PCDH15: variants seen among roughly 807,000 people sequenced by gnomAD.
PCDH15 encodes the protein protocadherin related 15, also known as protocadherin-15.
PCDH15 carries 129 observed loss-of-function variants against 178.5 expected under a neutral mutation model. That is an observed-to-expected ratio of 0.72 (90% CI 0.63 to 0.84). The LOEUF is 0.84. Among genes scored for constraint, PCDH15 ranks in the 40% least tolerant of loss-of-function variants. PCDH15 has a pLI of 0.00. For synonymous variants in PCDH15, 800 were observed against 732.0 expected, an observed-to-expected ratio of 1.09 and a Z score of -1.50; for missense variants, 2,230 against 2,099.9, an observed-to-expected ratio of 1.06 and a Z score of -1.21.
At chr10:55,147,665 T>C (rs1838564563) in intron 2 of PCDH15, among the ~76,000 whole-genome samples, 1 of 151,208 alleles carries the variant, frequency 6.6e-6, no homozygotes, top group African/African-American at 2.4e-5. Context: ...TTTTTTTAAA[T>C]TTTATTATTA....
Position 55,174,967 on chromosome 10 carries a change from G to T in PCDH15, c.-155-8316C>A, listed in dbSNP as rs75061923. Among the ~76,000 whole-genome samples the T allele has an allele frequency of 6.0e-3, 907 of 152,242 alleles. 7 individuals are homozygous for T. Among genetic ancestry groups the T allele is most frequent in the African/African-American group, 0.021 (872 of 41,552 alleles). Reference sequence around the variant, plus strand: ...TTAACCCAAGCATTTGAAATCTCCTGGAAGGATGTTATGTTACTTTTGACT... The same window carrying T: ...TTAACCCAAGCATTTGAAATCTCCTTGAAGGATGTTATGTTACTTTTGACT... On this transcript the variant is annotated intron_variant, in intron 1 of 5. Transcript: ENST00000458638.
intron 2 of PCDH15, among the ~76,000 whole-genome samples, chr10:55,449,446 G>A (rs1839386464): frequency 6.6e-6 from 1 of 152,008 alleles, no homozygotes; most frequent in Non-Finnish European, 1.5e-5. Context: ...ACAATGCAGT[G>A]TCTATCCATA....
At chr10:54,904,991 C>T (rs73259961) in intron 2 of PCDH15, among the ~76,000 whole-genome samples, 3,182 of 151,744 alleles carry the variant, frequency 0.021, 122 homozygotes, top group African/African-American at 0.072. Flanking sequence ...TTCTCTATTA[C>T]CTATTTTCGT....
At chr10:54,820,878 T>C (rs1442726928) in intron 3 of PCDH15, among the ~76,000 whole-genome samples, 2 of 152,046 alleles carry the variant, frequency 1.3e-5, no homozygotes, top group East Asian at 1.9e-4. Context: ...GAAAGGAAAA[T>C]CTTAAGAATT....
chr10:55,481,828 TTC>T (rs1840187817), intron 2 of PCDH15, among the ~76,000 whole-genome samples: 1 of 151,598 alleles, frequency 6.6e-6, no homozygotes, highest in African/African-American at 2.4e-5. Flanking sequence ...GGGTGGAGAG[TTC>T]TCTATGTGTC....
rs1260514153 is a variant in PCDH15, at chr10:54,442,430, A to T, written c.158-63488T>A. Among the ~76,000 whole-genome samples, 4 of 111,050 alleles carry T rather than the reference A, an allele frequency of 3.6e-5. 1 individual carries two copies. The highest frequency in any genetic ancestry group is 1.7e-4 in the African/African-American group (4 of 23,670). The allele number at this position is 111,050 out of a possible 152,430, so 72.9% of individuals were successfully genotyped here. Reference sequence around the variant, plus strand: ...CCTTAAAGGCTATATATATATATATATATATATATATATATATATATATAT... The same window carrying T: ...CCTTAAAGGCTATATATATATATATTTATATATATATATATATATATATAT... On this transcript the variant is annotated intron_variant, in intron 3 of 37. Transcript: ENST00000644397.
At chr10:54,775,735 A>T (rs1949618121) in intron 1 of PCDH15, among the ~76,000 whole-genome samples, 2 of 152,124 alleles carry the variant, frequency 1.3e-5, no homozygotes, top group South Asian at 4.1e-4. Context: ...AATACAAAAA[A>T]TTAGCTGGGC....
chr10:54,595,056 C>G (rs750920270), intron 2 of PCDH15, among the ~76,000 whole-genome samples: 15 of 152,190 alleles, frequency 9.9e-5, no homozygotes, highest in Non-Finnish European at 1.0e-4. Context: ...TCCACCTTCC[C>G]AAACCATACC....
Position 55,198,735 on chromosome 10 carries a change from G to A in PCDH15, c.-155-32084C>T, listed in dbSNP as rs1006361806. 4.0e-5 allele frequency among the ~76,000 whole-genome samples: 6 copies of A among 151,388 alleles called. 1 individual carries two copies. The highest frequency in any genetic ancestry group is 2.1e-4 in the South Asian group (1 of 4,810). On this transcript the variant is annotated intron_variant, in intron 1 of 5. Transcript: ENST00000458638. ...CCTGACCTCCGCATCTGCCCGCCTC[G>A]GCATCCCAAAGTACTGGGATTACAG...
chr10:55,381,970 G>A (rs1837543809), intron 2 of PCDH15, among the ~76,000 whole-genome samples: 1 of 152,042 alleles, frequency 6.6e-6, no homozygotes, highest in Admixed American at 6.6e-5. Context: ...GGTGAGAGAT[G>A]GAGAGGATAA....
intron 2 of PCDH15, among the ~76,000 whole-genome samples, chr10:55,463,304 G>A (rs1444279651): frequency 6.6e-6 from 1 of 152,018 alleles, no homozygotes; most frequent in African/African-American, 2.4e-5. Context: ...ATATCATCCT[G>A]TAGATATTTT....
At chr10:54,070,131 T>C (rs1272633718) in intron 17 of PCDH15, among the ~76,000 whole-genome samples, 1 of 152,220 alleles carries the variant, frequency 6.6e-6, no homozygotes, top group East Asian at 1.9e-4. Context: ...TCTTAGAATT[T>C]CCTTTTGTAA....
At chr10:54,341,584 A>G (rs989112875) in intron 6 of PCDH15, among the ~76,000 whole-genome samples, 4 of 152,214 alleles carry the variant, frequency 2.6e-5, no homozygotes, top group African/African-American at 7.2e-5. Context: ...AGTACTGTTA[A>G]GATGATAACC....
chr10:55,559,687 G>T (rs1842156047), intron 2 of PCDH15, among the ~76,000 whole-genome samples: 1 of 151,798 alleles, frequency 6.6e-6, no homozygotes, highest in South Asian at 2.1e-4. Flanking sequence ...TCCTAGAGTT[G>T]AATTTTCTTT....
intron 6 of PCDH15, among the ~76,000 whole-genome samples, chr10:54,342,401 A>C (rs981861258): frequency 1.2e-4 from 18 of 152,192 alleles, no homozygotes; most frequent in Non-Finnish European, 2.2e-4. Context: ...GGTGGCTTAC[A>C]TGTGGTGTTG....
chr10:54,482,817 T>C (rs1418993535), intron 3 of PCDH15, among the ~76,000 whole-genome samples: 2 of 151,748 alleles, frequency 1.3e-5, no homozygotes, highest in South Asian at 4.1e-4. Flanking sequence ...AGGTAGTGAA[T>C]AGAACAAAGT....
chr10:55,614,409 T>G (rs570950483), intron 2 of PCDH15, among the ~76,000 whole-genome samples: 227 of 152,304 alleles, frequency 1.5e-3, no homozygotes, highest in African/African-American at 5.3e-3. Context: ...AGTTCTATCT[T>G]ATTGGAAAGA....
At chr10:55,231,773 A>G (rs1835728628) in intron 1 of PCDH15, among the ~76,000 whole-genome samples, 1 of 152,014 alleles carries the variant, frequency 6.6e-6, no homozygotes, top group African/African-American at 2.4e-5. Flanking sequence ...TGAAAAAGAT[A>G]CAGCTATCTT....
intron 2 of PCDH15, among the ~76,000 whole-genome samples, chr10:54,647,284 T>C (rs566706336): frequency 2.0e-5 from 3 of 151,972 alleles, no homozygotes; most frequent in Non-Finnish European, 4.4e-5. Context: ...TCCTACAAAG[T>C]ATCTAAAGTA....
Sources: allele counts gnomAD v4.1 joint callset (sites outside exome capture counted in the v4.1 genomes callset), GRCh38; gene constraint gnomAD v4.1.1; transcripts MANE v1.5; gene names NCBI Gene and HGNC (gene_info 2026-07-23, HGNC 2026-07-21).